PHF2: variants seen among roughly 807,000 people sequenced by gnomAD.
The protein encoded by PHF2 is lysine-specific demethylase PHF2.
Under a neutral mutation model 120.5 loss-of-function variants are expected in PHF2, and 27 were observed. The ratio of observed to expected loss-of-function variants is 0.22; its 90% CI spans 0.17 to 0.31. The LOEUF is 0.31. Among genes scored for constraint, PHF2 ranks in the 10% least tolerant of loss-of-function variants. The probability of loss-of-function intolerance (pLI) is 1.00; values close to 1 mark genes in which losing one functional copy is unlikely to be tolerated. For synonymous variants in PHF2, 568 were observed against 592.5 expected (o/e 0.96, Z 0.60); for missense variants, 1,024 against 1,434.8 (o/e 0.71, Z 4.63).
chr9:93,616,694 T>C (rs1002973008), intron 1 of PHF2, among the ~76,000 whole-genome samples: 1 of 151,732 alleles, frequency 6.6e-6, no homozygotes, highest in Non-Finnish European at 1.5e-5. Flanking sequence ...CTGTTGCCCA[T>C]GCTGGAGCTG....
chr9:93,613,088 TTGTC>T (rs1414949291), intron 1 of PHF2, among the ~76,000 whole-genome samples: 2 of 152,208 alleles, frequency 1.3e-5, no homozygotes, highest in Non-Finnish European at 2.9e-5. Context: ...GCAAAGCACT[TTGTC>T]TGAGAGCTGA....
At chr9:93,661,448 T>C (rs75519210) in intron 12 of PHF2, among the ~76,000 whole-genome samples, 9,314 of 152,190 alleles carry the variant, frequency 0.061, 397 homozygotes, top group Non-Finnish European at 0.089. Context: ...GATGAATGGA[T>C]GAACAGACGG....
At chr9:93,608,564 G>T (rs1228507630) in intron 1 of PHF2, among the ~76,000 whole-genome samples, 1 of 152,046 alleles carries the variant, frequency 6.6e-6, no homozygotes, top group Non-Finnish European at 1.5e-5. Context: ...AGTGGGTTCT[G>T]TCTGAGCCTG....
At chr9:93,620,271 G>A (rs1024199846) in intron 1 of PHF2, among the ~76,000 whole-genome samples, 3 of 152,178 alleles carry the variant, frequency 2.0e-5, no homozygotes, top group African/African-American at 7.2e-5. Flanking sequence ...GTTCTGTGAG[G>A]ACCGTCCTCA....
rs1325281269 is a variant in PHF2, at chr9:93,653,249, G to A, written c.673G>A (p.Asp225Asn). 3 of 1,614,178 alleles carry A rather than the reference G, an allele frequency of 1.9e-6. No homozygotes were observed. The highest frequency in any genetic ancestry group is 2.2e-5 in the South Asian group (2 of 91,086). ...ATGGGTAGAAAACTACTGGCCAGAT[G>A]ATGCATTGCTGGCCAAGCCCAAAGT... is the stretch of plus-strand genomic sequence containing the variant. Reference protein sequence around the residue: ...LSWVENYWPDDALLAKPKVTK... With the variant: ...LSWVENYWPDNALLAKPKVTK... The change falls in exon 6 of 22, where the codon GAT becomes AAT. Residue 225 changes from aspartate (D) to asparagine (N), a missense_variant. Transcript: ENST00000359246.
chr9:93,676,710 A>AGCCTCTACCACCCCG lies in PHF2; in HGVS notation c.2955_2969dup (p.Thr992_Thr996dup), dbSNP rs1826918951. On this transcript the variant is annotated inframe_insertion, in exon 21 of 22. Coordinates refer to ENST00000359246, the MANE Select transcript of PHF2 (RefSeq NM_005392.4). ...GCACCACCTCCACCTCCACCACGCC[A>AGCCTCTACCACCCCG]GCCTCTACCACCCCGGCCTCCACCA... is the stretch of plus-strand genomic sequence containing the variant. 3.3e-6 allele frequency: 2 copies of AGCCTCTACCACCCCG among 597,104 alleles called. No individual in the cohort carries two copies. The highest frequency in any genetic ancestry group is 6.9e-5 in the East Asian group (2 of 28,884). 37.0% of individuals were successfully genotyped at this position (597,104 alleles called of 1,614,324 possible).
rs186752955 is a variant in PHF2 at position 93,671,260 on chromosome 9, G to A, written c.2349-2325G>A. 2.1e-5 allele frequency: 19 copies of A among 916,014 alleles called. 2 individuals are homozygous for A. Among genetic ancestry groups the A allele is most frequent in the Non-Finnish European group, 3.9e-6 (3 of 768,572 alleles). The allele number at this position is 916,014 out of a possible 1,614,324, so 56.7% of individuals were successfully genotyped here. On this transcript the variant is annotated intron_variant, in intron 17 of 21. Coordinates refer to ENST00000359246, the MANE Select transcript of PHF2 (RefSeq NM_005392.4). ...AGTAGGCACAGGTGTAGATGCAGGT[G>A]CGGGTGTGGGAGTAGGCACAGGTGC...
At chr9:93,664,200 T>C (rs964190918) in intron 14 of PHF2, among the ~76,000 whole-genome samples, 1 of 151,968 alleles carries the variant, frequency 6.6e-6, no homozygotes, top group African/African-American at 2.4e-5. Context: ...GAACCCAACA[T>C]GGGACCCTGG....
Position 93,653,216 on chromosome 9 carries a change from A to C in PHF2, c.640A>C (p.Lys214Gln). ...SFVEPPDIVK[K>Q]LSWVENYWPD... ...CGTGGAGCCACCTGACATTGTAAAG[A>C]AACTGTCATGGGTAGAAAACTACTG... Residue 214 changes from lysine (K) to glutamine (Q), a missense_variant, in exon 6 of 22, where the codon AAA becomes CAA. Physicochemically the swap from Lys to Gln is moderately conservative, Grantham distance 53. Transcript: ENST00000359246. 1 of 1,614,200 alleles carries C rather than the reference A, an allele frequency of 6.2e-7. No individual in the cohort carries two copies. Among genetic ancestry groups the C allele is most frequent in the Non-Finnish European group, 8.5e-7 (1 of 1,180,028 alleles).
intron 3 of PHF2, among the ~76,000 whole-genome samples, chr9:93,638,510 C>T (rs914797834): frequency 6.6e-6 from 1 of 152,050 alleles, no homozygotes; most frequent in African/African-American, 2.4e-5. Context: ...TTCATTTGTC[C>T]CAGTACCATT....
intron 17 of PHF2, among the ~76,000 whole-genome samples, chr9:93,668,927 C>T (rs149588893): frequency 2.0e-5 from 3 of 152,254 alleles, no homozygotes; most frequent in Non-Finnish European, 2.9e-5. Flanking sequence ...TTTTAAGTAT[C>T]GGCTGCTTGG....
intron 18 of PHF2, 143 bp from the exon 19 acceptor site, chr9:93,674,784 G>A: frequency 1.6e-6 from 1 of 621,638 alleles, no homozygotes. Flanking sequence ...CATCACAGCT[G>A]ACAGTGACAC....
At position 93,653,263 on chromosome 9, in the gene PHF2, C is replaced by A. The variant is rs1235116493; in HGVS notation, c.687C>A (p.Ala229=). The part of the protein sequence containing the change: ...ENYWPDDALL[A]KPKVTKYCLI... The stretch of plus-strand genomic sequence containing the variant: ...ACTGGCCAGATGATGCATTGCTGGC[C>A]AAGCCCAAAGTGACCAAGTACTGCC... The change falls in exon 6 of 22, where the codon GCC becomes GCA. Residue 229 remains alanine (A), a synonymous_variant. Coordinates refer to ENST00000359246, the MANE Select transcript of PHF2 (RefSeq NM_005392.4). 10 of 1,614,058 alleles carry A rather than the reference C, an allele frequency of 6.2e-6. No homozygotes were observed. Among genetic ancestry groups the A allele is most frequent in the Non-Finnish European group, 7.6e-6 (9 of 1,180,038 alleles).
intron 1 of PHF2, among the ~76,000 whole-genome samples, chr9:93,592,228 T>G: frequency 6.6e-6 from 1 of 152,082 alleles, no homozygotes; most frequent in Non-Finnish European, 1.5e-5. Context: ...GGTCTTTTTC[T>G]CAAACTCCTG....
chr9:93,655,019 G>A (rs1826434031), intron 7 of PHF2, among the ~76,000 whole-genome samples: 1 of 152,220 alleles, frequency 6.6e-6, no homozygotes, highest in African/African-American at 2.4e-5. Context: ...GACAATAGTA[G>A]GGGACATTTT....
At position 93,656,436 on chromosome 9, in the gene PHF2, C is replaced by T. The variant is rs575748741; in HGVS notation, c.1041-53C>T. On this transcript the variant is annotated intron_variant, in intron 8 of 21. Coordinates refer to ENST00000359246, the MANE Select transcript of PHF2 (RefSeq NM_005392.4). This position sits in a 1 kb window ranked among gnomAD's most constrained non-coding sequence, Gnocchi z 4.1. Reference sequence around the variant, plus strand: ...GTCTGGGGCCTGGATTGATGCCCAGCGTCGCCTGCTTGATGGTCAGTGCAC... The same window carrying T: ...GTCTGGGGCCTGGATTGATGCCCAGTGTCGCCTGCTTGATGGTCAGTGCAC... The T allele has an allele frequency of 4.0e-5, 50 of 1,254,174 alleles. No individual in the cohort carries two copies. Among genetic ancestry groups the T allele is most frequent in the African/African-American group, 1.0e-4 (7 of 68,304 alleles). 77.7% of individuals were successfully genotyped at this position (1,254,174 alleles called of 1,614,324 possible). A position where few individuals can be genotyped will look rare whatever the true frequency, so the allele number is the denominator to read the frequency against.
At chr9:93,676,570 C>T in intron 20 of PHF2, 24 bp from the exon 21 acceptor site, 2 of 1,568,636 alleles carry the variant, frequency 1.3e-6, no homozygotes, top group Non-Finnish European at 1.7e-6. Flanking sequence ...GCGTCTGAGG[C>T]TGCCCTGCAT....
intron 1 of PHF2, among the ~76,000 whole-genome samples, chr9:93,610,645 G>T (rs571039517): frequency 6.6e-6 from 1 of 151,828 alleles, no homozygotes; most frequent in Admixed American, 6.6e-5. Flanking sequence ...GTTTTATTTT[G>T]CTTTTATTGT....
In PHF2 at chr9:93,667,028, A is replaced by G. The variant is rs758653458; in HGVS notation, c.2188-52A>G. Reference sequence around the variant, plus strand: ...GTATCCTCCTCCCAACTCCCAGGCCACTTTGGTGGCCAGACCCTCCCCTGA... The same window carrying G: ...GTATCCTCCTCCCAACTCCCAGGCCGCTTTGGTGGCCAGACCCTCCCCTGA... On this transcript the variant is annotated intron_variant, in intron 16 of 21. Transcript: ENST00000359246. The G allele has an allele frequency of 4.0e-6, 6 of 1,517,366 alleles. No homozygotes were observed. In the East Asian group the frequency reaches 7.7e-5, roughly 19 times the overall value. 94.0% of individuals were successfully genotyped at this position (1,517,366 alleles called of 1,614,324 possible).
Sources: allele counts gnomAD v4.1 joint callset (sites outside exome capture counted in the v4.1 genomes callset), GRCh38; gene constraint gnomAD v4.1.1; non-coding constraint Gnocchi (gnomAD v3.1); transcripts MANE v1.5; gene names NCBI Gene and HGNC (gene_info 2026-07-23, HGNC 2026-07-21).